The following DCC variants were observed in gnomAD, a reference collection of about 807,000 sequenced individuals.
DCC encodes the protein DCC netrin 1 receptor.
In DCC, 58 loss-of-function variants were observed where a neutral mutation model predicts 172.5. The observed-to-expected ratio is 0.34, with a 90% confidence interval of 0.27 to 0.42. The LOEUF (loss-of-function observed/expected upper bound fraction) is 0.42. Ranked by LOEUF, DCC falls within the 10% of genes least tolerant of loss-of-function variation. The probability of loss-of-function intolerance (pLI) is 1.00; values close to 1 mark genes in which losing one functional copy is unlikely to be tolerated. For missense variants in DCC, 1,740 were observed against 1,791.0 expected, an observed-to-expected ratio of 0.97 and a Z score of 0.51; for synonymous variants, 709 against 644.5, an observed-to-expected ratio of 1.10 and a Z score of -1.52.
At chr18:53,450,908 C>T (rs1350243033) in intron 23 of DCC, among the ~76,000 whole-genome samples, 1 of 152,162 alleles carries the variant, frequency 6.6e-6, no homozygotes, top group African/African-American at 2.4e-5. Context: ...ACTTCTCTGA[C>T]CCCTTCTCAT....
At chr18:52,620,244 G>A (rs924917430) in intron 1 of DCC, among the ~76,000 whole-genome samples, 3 of 152,180 alleles carry the variant, frequency 2.0e-5, no homozygotes, top group African/African-American at 7.2e-5. Context: ...GTGAAGGGAG[G>A]AGGTTGGACA....
chr18:53,090,736 A>AAAAAAAAAAAAAAAAAAAAAAAAT (rs1568298524), intron 7 of DCC, among the ~76,000 whole-genome samples: 1 of 129,524 alleles, frequency 7.7e-6, no homozygotes, highest in African/African-American at 3.0e-5. Flanking sequence ...AAAAAAAAAG[A>AAAAAAAAAAAAAAAAAAAAAAAAT]ATGTATCGTG....
chr18:53,439,252 T>C (rs1158280760), intron 22 of DCC, among the ~76,000 whole-genome samples: 1 of 152,224 alleles, frequency 6.6e-6, no homozygotes, highest in Non-Finnish European at 1.5e-5. Context: ...AGATTTCTAA[T>C]TAAATTTTTG....
At chr18:52,958,777 C>A (rs190408014) in intron 5 of DCC, among the ~76,000 whole-genome samples, 21 of 152,062 alleles carry the variant, frequency 1.4e-4, no homozygotes, top group Non-Finnish European at 1.9e-4. Context: ...GACATGTTGT[C>A]GGGAGGGGTC....
At chr18:52,889,200 A>G (rs1568169927) in intron 2 of DCC, among the ~76,000 whole-genome samples, 1 of 152,090 alleles carries the variant, frequency 6.6e-6, no homozygotes, top group Non-Finnish European at 1.5e-5. Context: ...TTCATTATGT[A>G]TTCTTTCATA....
chr18:52,574,183 T>C (rs975180494), intron 1 of DCC, among the ~76,000 whole-genome samples: 1 of 152,196 alleles, frequency 6.6e-6, no homozygotes, highest in East Asian at 1.9e-4. Flanking sequence ...TAAAAGTATA[T>C]TGATTATATG....
intron 2 of DCC, among the ~76,000 whole-genome samples, chr18:52,803,385 T>C (rs1270491987): frequency 6.6e-6 from 1 of 152,170 alleles, no homozygotes; most frequent in Non-Finnish European, 1.5e-5. Flanking sequence ...GCTATGAAAT[T>C]ATCACAGTAG....
intron 1 of DCC, among the ~76,000 whole-genome samples, chr18:52,605,900 G>T (rs1419683596): frequency 6.6e-6 from 1 of 152,082 alleles, no homozygotes. Flanking sequence ...TGTGGTTGAG[G>T]TTAGGTGAGT....
intron 5 of DCC, among the ~76,000 whole-genome samples, chr18:52,927,055 A>G (rs1446093358): frequency 1.5e-5 from 2 of 137,764 alleles, no homozygotes; most frequent in Non-Finnish European, 3.2e-5. Context: ...ACATATATAT[A>G]CACATATATA....
intron 5 of DCC, among the ~76,000 whole-genome samples, chr18:52,955,696 C>A (rs1438852547): frequency 6.6e-6 from 1 of 152,116 alleles, no homozygotes; most frequent in Non-Finnish European, 1.5e-5. Context: ...TGCTCCACAA[C>A]CTGGCCAGCA....
At chr18:53,368,716 C>A (rs2058030599) in intron 15 of DCC, among the ~76,000 whole-genome samples, 1 of 152,004 alleles carries the variant, frequency 6.6e-6, no homozygotes, top group Non-Finnish European at 1.5e-5. Context: ...TCCATTAAAT[C>A]GTCTTGAAAT....
intron 21 of DCC, among the ~76,000 whole-genome samples, chr18:53,432,052 A>C (rs149869161): frequency 7.6e-4 from 115 of 152,290 alleles, no homozygotes; most frequent in African/African-American, 2.6e-3. Flanking sequence ...AAATATAACT[A>C]TGAAACATAT....
rs754199259 is a variant in DCC at position 53,450,638 on chromosome 18, G to A, written c.3368G>A (p.Arg1123Gln). Residue 1123 changes from arginine (R) to glutamine (Q), a missense_variant, in exon 23 of 29, where the codon CGA becomes CAA. This residue lies in a region of DCC where 1,732 missense variants were observed against 1,767.4 expected (regional missense o/e 0.98). Coordinates refer to ENST00000442544, the MANE Select transcript of DCC (RefSeq NM_005215.4). ...GTCATCGTGGCTGTGATTTGCACCCGACGCTCTTCAGCCCAGCAGAGAAAG... is the reference window on the plus strand; with the variant it reads ...GTCATCGTGGCTGTGATTTGCACCCAACGCTCTTCAGCCCAGCAGAGAAAG... ...VVVIVAVICT[R>Q]RSSAQQRKKR... The A allele has an allele frequency of 1.1e-5, 17 of 1,613,638 alleles. No homozygotes were observed. Among genetic ancestry groups the A allele is most frequent in the South Asian group, 3.3e-5 (3 of 91,072 alleles).
intron 7 of DCC, among the ~76,000 whole-genome samples, chr18:53,096,405 A>C (rs1406994173): frequency 1.3e-5 from 2 of 152,266 alleles, no homozygotes; most frequent in East Asian, 1.9e-4. Flanking sequence ...ACTTTCAATA[A>C]ATCATTTAAG....
chr18:52,700,159 CAT>C lies in DCC; in HGVS notation c.92-51894_92-51893del, dbSNP rs760031082. Among the ~76,000 whole-genome samples, 135 of 151,444 alleles carry C rather than the reference CAT, an allele frequency of 8.9e-4. No homozygotes were observed. In the East Asian group the frequency reaches 0.017, roughly 19 times the overall value. The stretch of plus-strand genomic sequence containing the variant: ...CGCTCTCTTGCCCCACACACACACA[CAT>C]GCACACGCACACACACATGCACACG... On this transcript the variant is annotated intron_variant, in intron 1 of 28. Coordinates refer to ENST00000442544, the MANE Select transcript of DCC (RefSeq NM_005215.4).
chr18:53,420,639 G>T (rs767612836), intron 21 of DCC, among the ~76,000 whole-genome samples: 1 of 152,076 alleles, frequency 6.6e-6, no homozygotes, highest in Non-Finnish European at 1.5e-5. Context: ...CCTCTCTGGT[G>T]TCTCCTCTTC....
intron 7 of DCC, among the ~76,000 whole-genome samples, chr18:53,072,537 G>A (rs933196904): frequency 6.6e-6 from 1 of 152,154 alleles, no homozygotes; most frequent in Non-Finnish European, 1.5e-5. Flanking sequence ...GGAGGGCCGT[G>A]GAACTGGGAA....
At chr18:52,869,989 G>A in intron 2 of DCC, among the ~76,000 whole-genome samples, 1 of 152,148 alleles carries the variant, frequency 6.6e-6, no homozygotes, top group East Asian at 1.9e-4. Context: ...GCCTGGGGTG[G>A]GGGCTCCAGG....
At chr18:53,410,242 T>G (rs1031917275) in intron 19 of DCC, among the ~76,000 whole-genome samples, 2 of 152,174 alleles carry the variant, frequency 1.3e-5, no homozygotes, top group African/African-American at 4.8e-5. Context: ...TTCTAACAGC[T>G]TATTCTATTT....
Sources: gnomAD v4.1 joint callset for allele counts (sites outside exome capture counted in the v4.1 genomes callset) on GRCh38, gnomAD v4.1.1 for gene constraint, gnomAD v4.1.1 regional missense constraint, MANE v1.5 for transcripts, NCBI Gene and HGNC (gene_info 2026-07-23, HGNC 2026-07-21) for gene names.